HSD17B12: variants seen among roughly 807,000 people sequenced by gnomAD.
HSD17B12 encodes very-long-chain 3-oxoacyl-CoA reductase.
In HSD17B12, 32 loss-of-function variants were observed where a neutral mutation model predicts 39.3. That is an observed-to-expected ratio of 0.81 (90% CI 0.61 to 1.09). The LOEUF is 1.09. Ranked by LOEUF, HSD17B12 falls within the 50% of genes least tolerant of loss-of-function variation. The pLI is 0.00. For missense variants in HSD17B12, 342 were observed against 382.9 expected (o/e 0.89, Z 0.89); for synonymous variants, 150 against 146.7 (o/e 1.02, Z -0.16).
chr11:43,567,157 T>C, the HSD17B12 span, among the ~76,000 whole-genome samples: 1 of 152,242 alleles, frequency 6.6e-6, no homozygotes, highest in Non-Finnish European at 1.5e-5. Context: ...CCGGGCTCCA[T>C]GACTCTTCTA....
At chr11:43,692,799 TG>T (rs1949874744) in intron 1 of HSD17B12, among the ~76,000 whole-genome samples, 1 of 152,178 alleles carries the variant, frequency 6.6e-6, no homozygotes, top group Non-Finnish European at 1.5e-5. Context: ...TTGAAGACTC[TG>T]GACCAAATTC....
chr11:43,732,638 T>C (rs943558305), intron 1 of HSD17B12, among the ~76,000 whole-genome samples: 1 of 152,090 alleles, frequency 6.6e-6, no homozygotes, highest in Admixed American at 6.6e-5. Flanking sequence ...TAACCTTTTT[T>C]ATTTTTTGTA....
the HSD17B12 span, among the ~76,000 whole-genome samples, chr11:43,557,302 A>G: frequency 6.6e-6 from 1 of 152,272 alleles, no homozygotes; most frequent in African/African-American, 2.4e-5. Flanking sequence ...ACTTGGCCAT[A>G]TCTTGGATTG....
Position 43,831,302 on chromosome 11 carries a change from G to C in HSD17B12, c.536+292G>C, listed in dbSNP as rs1000180688. The stretch of plus-strand genomic sequence containing the variant: ...CACTAACTCAATTGCCTACTATTCT[G>C]AGGGGGCGGATAGAGTTCCTGGGAT... On this transcript the variant is annotated intron_variant, in intron 7 of 10. Coordinates refer to ENST00000278353, the MANE Select transcript of HSD17B12 (RefSeq NM_016142.3). The surrounding 1 kb of genome is among the most constrained non-coding windows in gnomAD (Gnocchi z 4.1). The C allele has an allele frequency of 9.2e-6, 2 of 218,194 alleles. No homozygotes were observed. The highest frequency in any genetic ancestry group is 1.8e-5 in the Non-Finnish European group (2 of 111,320). The allele number at this position is 218,194 out of a possible 1,614,324, so 13.5% of individuals were successfully genotyped here.
In HSD17B12 at chr11:43,816,331, C is replaced by T. The variant is rs1451925333; in HGVS notation, c.457-16C>T. ...CATGATCAAGTGTATATAAAATTCTCAATATTTTTTTGCAGGTGATCAAGA... is the reference window on the plus strand; with the variant it reads ...CATGATCAAGTGTATATAAAATTCTTAATATTTTTTTGCAGGTGATCAAGA... On this transcript the variant is annotated splice_polypyrimidine_tract_variant and intron_variant, in intron 5 of 10. Coordinates refer to ENST00000278353, the MANE Select transcript of HSD17B12 (RefSeq NM_016142.3). 2 of 1,472,744 alleles carry T rather than the reference C, an allele frequency of 1.4e-6. No individual in the cohort carries two copies. Among genetic ancestry groups the T allele is most frequent in the Non-Finnish European group, 9.2e-7 (1 of 1,087,870 alleles). 91.2% of individuals were successfully genotyped at this position (1,472,744 alleles called of 1,614,324 possible).
chr11:43,578,982 C>A, the HSD17B12 span: 3 of 151,898 alleles, frequency 2.0e-5, no homozygotes, highest in Non-Finnish European at 4.4e-5. Flanking sequence ...GTGAGTAATG[C>A]GCGCTGGCTG....
intron 9 of HSD17B12, among the ~76,000 whole-genome samples, chr11:43,843,698 G>A (rs544537269): frequency 1.3e-5 from 2 of 152,212 alleles, no homozygotes; most frequent in South Asian, 4.2e-4. Flanking sequence ...CCCTATGGCT[G>A]CTGTCCCTCT....
At chr11:43,804,490 A>C (rs1951000351) in intron 4 of HSD17B12, among the ~76,000 whole-genome samples, 1 of 152,244 alleles carries the variant, frequency 6.6e-6, no homozygotes, top group Non-Finnish European at 1.5e-5. Context: ...CTGATTGCCA[A>C]AGCTGGAATA....
chr11:43,583,133 T>C, the HSD17B12 span, among the ~76,000 whole-genome samples: 14 of 152,186 alleles, frequency 9.2e-5, no homozygotes, highest in Admixed American at 4.6e-4. Context: ...TCCCAAAGCC[T>C]GAACCTTCAC....
At chr11:43,594,945 G>A in the HSD17B12 span, among the ~76,000 whole-genome samples, 1 of 152,072 alleles carries the variant, frequency 6.6e-6, no homozygotes, top group South Asian at 2.1e-4. Context: ...TGTAGTCAGA[G>A]CCTTTTTATT....
At chr11:43,775,211 C>A (rs1283621074) in intron 3 of HSD17B12, among the ~76,000 whole-genome samples, 1 of 152,114 alleles carries the variant, frequency 6.6e-6, no homozygotes, top group East Asian at 1.9e-4. Context: ...GGCGCCTGAG[C>A]CTTAGATGAA....
At chr11:43,668,453 A>G in the HSD17B12 span, among the ~76,000 whole-genome samples, 1 of 152,216 alleles carries the variant, frequency 6.6e-6, no homozygotes, top group Non-Finnish European at 1.5e-5. Flanking sequence ...AAAGGTCCTT[A>G]ATTTAATCAC....
the HSD17B12 span, among the ~76,000 whole-genome samples, chr11:43,662,732 G>A: frequency 6.6e-6 from 1 of 152,174 alleles, no homozygotes; most frequent in African/African-American, 2.4e-5. Flanking sequence ...ATAGCCTGCA[G>A]GTAGAATTTC....
At chr11:43,773,080 C>T (rs1476266977) in intron 3 of HSD17B12, among the ~76,000 whole-genome samples, 1 of 152,108 alleles carries the variant, frequency 6.6e-6, no homozygotes, top group African/African-American at 2.4e-5. Flanking sequence ...TACTGCACTC[C>T]ATCCTGGGCA....
the HSD17B12 span, among the ~76,000 whole-genome samples, chr11:43,576,221 T>C: frequency 6.6e-6 from 1 of 152,160 alleles, no homozygotes; most frequent in Non-Finnish European, 1.5e-5. Context: ...AAGAAATATT[T>C]GGGTATTTTT....
chr11:43,690,398 A>ATTTTTTTTTTTTT (rs1303064530), intron 1 of HSD17B12, among the ~76,000 whole-genome samples: 1 of 27,478 alleles, frequency 3.6e-5, no homozygotes, highest in African/African-American at 2.4e-4. Flanking sequence ...ATATATATAT[A>ATTTTTTTTTTTTT]TATATATTTT....
chr11:43,711,345 C>T (rs879887514), intron 1 of HSD17B12, among the ~76,000 whole-genome samples: 2 of 151,944 alleles, frequency 1.3e-5, no homozygotes, highest in Non-Finnish European at 2.9e-5. Context: ...AGAAGCTATT[C>T]AAAAAGCACA....
chr11:43,572,171 C>T, the HSD17B12 span, among the ~76,000 whole-genome samples: 1 of 152,138 alleles, frequency 6.6e-6, no homozygotes, highest in Non-Finnish European at 1.5e-5. Flanking sequence ...ATGCAGCAGC[C>T]TGAATGAATG....
the HSD17B12 span, among the ~76,000 whole-genome samples, chr11:43,644,048 T>G: frequency 6.4e-4 from 97 of 152,206 alleles, no homozygotes; most frequent in Non-Finnish European, 1.1e-3. Context: ...TAACTATAGG[T>G]GTTTGAGAAA....
Sources: gnomAD v4.1 joint callset for allele counts (sites outside exome capture counted in the v4.1 genomes callset) on GRCh38, gnomAD v4.1.1 for gene constraint, Gnocchi (gnomAD v3.1) non-coding constraint, MANE v1.5 for transcripts, NCBI Gene and HGNC (gene_info 2026-07-23, HGNC 2026-07-21) for gene names.